Variants in FCSK observed in about 807,000 individuals in gnomAD.
FCSK encodes the protein L-fucose kinase.
FCSK carries 123 observed loss-of-function variants against 122.5 expected under a neutral mutation model. The observed-to-expected ratio is 1.00, with a 90% CI of 0.87 to 1.17. The LOEUF is 1.17. FCSK is among the 50% of genes most tolerant of loss of function. The pLI is 0.00. For missense variants in FCSK, 1,366 were observed against 1,450.4 expected (o/e 0.94, Z 0.95); for synonymous variants, 620 against 625.5 (o/e 0.99, Z 0.13).
At position 70,475,411 on chromosome 16, in the gene FCSK, G is replaced by A; in HGVS notation, c.2439G>A (p.Gln813=). Residue 813 remains glutamine, a synonymous_variant, in exon 19 of 24, where the codon CAG becomes CAA. Transcript: ENST00000288078. ...TCGTGCATGTCCACTCGGAACTCCA[G>A]CTGAGTGAGCAGCTGCTCCGCACCT... ...AGIVHVHSEL[Q]LSEQLLRTFG... The A allele has an allele frequency of 6.2e-7, 1 of 1,609,890 alleles. No individual in the cohort carries two copies. Among genetic ancestry groups the A allele is most frequent in the Non-Finnish European group, 8.5e-7 (1 of 1,179,694 alleles).
Position 70,471,040 on chromosome 16 carries a change from C to G in FCSK, c.1138C>G (p.Pro380Ala), listed in dbSNP as rs1386847399. 1 of 1,603,074 alleles carries G rather than the reference C, an allele frequency of 6.2e-7. No individual in the cohort carries two copies. The change falls in exon 12 of 24, where the codon CCT (proline) becomes GCT (alanine). Residue 380 changes from proline to alanine, a missense_variant. Coordinates refer to ENST00000288078, the MANE Select transcript of FCSK (RefSeq NM_145059.3). ...GCTGGAGGGCCCTGTCCAGCTGGGT[C>G]CTGGGAGCGTCCTGCAGCACTGCCA... ...CLLEGPVQLG[P>A]GSVLQHCHLQ...
chr16:70,467,394 C>G lies in FCSK; in HGVS notation c.505C>G (p.Arg169Gly). 1 of 1,609,762 alleles carries G rather than the reference C, an allele frequency of 6.2e-7. No homozygotes were observed. Among genetic ancestry groups the G allele is most frequent in the East Asian group, 2.2e-5 (1 of 44,654 alleles). ...CACAGGTATCAGCTGGGACAGCTTC[C>G]GGGGAGCCAGAGTGATCGCCCTCCC... is the stretch of plus-strand genomic sequence containing the variant. Reference protein sequence around the residue: ...ANPGISWDSFRGARVIALPGS... With the variant: ...ANPGISWDSFGGARVIALPGS... Residue 169 changes from arginine to glycine, a missense_variant, in exon 7 of 24, where the codon CGG becomes GGG. By Grantham distance (125) the Arg-to-Gly change is moderately radical. Transcript: ENST00000288078.
intron 1 of FCSK, among the ~76,000 whole-genome samples, chr16:70,460,817 T>G (rs899185378): frequency 1.3e-5 from 2 of 152,228 alleles, no homozygotes; most frequent in Admixed American, 6.5e-5. Flanking sequence ...GTTCAAAGCG[T>G]GGCCTCCATG....
rs760844443 is a variant in FCSK, at chr16:70,463,154, A to G, written c.-22-15A>G. 2 of 1,484,912 alleles carry G rather than the reference A, an allele frequency of 1.3e-6. No individual in the cohort carries two copies. The highest frequency in any genetic ancestry group is 1.7e-5 in the Admixed American group (1 of 58,502). 92.0% of individuals were successfully genotyped at this position (1,484,912 alleles called of 1,614,324 possible). A position where few individuals can be genotyped will look rare whatever the true frequency, so the allele number is the denominator to read the frequency against. On this transcript the variant is annotated splice_polypyrimidine_tract_variant and intron_variant, in intron 1 of 23. Transcript: ENST00000288078. The stretch of plus-strand genomic sequence containing the variant: ...GTTTAAAAAATAGTCACATCTACCC[A>G]TATTGCTGTCTCAGGAAGCCCCTCC...
chr16:70,470,281 A>C, intron 10 of FCSK, 33 bp from the exon 11 acceptor site: 1 of 1,473,192 alleles, frequency 6.8e-7, no homozygotes. Context: ...CGCAGCAGGC[A>C]TGGGGTTGGG....
chr16:70,458,880 G>A (rs531789102), intron 1 of FCSK, among the ~76,000 whole-genome samples: 3 of 152,188 alleles, frequency 2.0e-5, no homozygotes, highest in South Asian at 4.1e-4. Context: ...TACAAAGTAG[G>A]TTTATTGTAG....
intron 16 of FCSK, 56 bp downstream of exon 16, chr16:70,474,395 G>T: frequency 6.3e-7 from 1 of 1,577,570 alleles, no homozygotes; most frequent in East Asian, 2.3e-5. Flanking sequence ...TCTGGGAAGT[G>T]GACCCTGATG....
chr16:70,462,352 G>A (rs2048292526), intron 1 of FCSK: 1 of 152,060 alleles, frequency 6.6e-6, no homozygotes, highest in Admixed American at 6.6e-5. Flanking sequence ...TAGAGATAGG[G>A]TCTTATTCTG....
chr16:70,479,296 G>A lies in FCSK; in HGVS notation c.3046G>A (p.Val1016Met), dbSNP rs375450811. The change falls in exon 23 of 24, where the codon GTG becomes ATG. Residue 1016 changes from valine (V) to methionine (M), a missense_variant. Coordinates refer to ENST00000288078, the MANE Select transcript of FCSK (RefSeq NM_145059.3). ...TATGATGGATGTCCTGGCCCCCCAC[G>A]TGCATGGCCAGAGCCTGGCTGGGGC... ...RRMMDVLAPH[V>M]HGQSLAGAGG... 9.3e-6 allele frequency: 15 copies of A among 1,613,932 alleles called. No homozygotes were observed. Among genetic ancestry groups the A allele is most frequent in the African/African-American group, 4.0e-5 (3 of 74,936 alleles).
chr16:70,479,396 A>G lies in FCSK; in HGVS notation c.3146A>G (p.Lys1049Arg). Residue 1049 changes from lysine to arginine, a missense_variant, in exon 23 of 24, where the codon AAG becomes AGG. Transcript: ENST00000288078. Reference sequence around the variant, plus strand: ...GAGGCCTTGGAGGCGGTGCTGGCCAAGACCGAGGTACTGATGGGGCTGGGG... The same window carrying G: ...GAGGCCTTGGAGGCGGTGCTGGCCAGGACCGAGGTACTGATGGGGCTGGGG... ...QKEALEAVLA[K>R]TEGLGNYSIH... 1.2e-6 allele frequency: 2 copies of G among 1,612,854 alleles called. No individual in the cohort carries two copies. Among genetic ancestry groups the G allele is most frequent in the African/African-American group, 1.3e-5 (1 of 75,046 alleles).
chr16:70,478,925 C>T, intron 22 of FCSK: 1 of 693,808 alleles, frequency 1.4e-6, no homozygotes, highest in South Asian at 1.5e-5. Context: ...GAAGTCTGAG[C>T]TGGGCAGGGT....
At position 70,479,647 on chromosome 16, in the gene FCSK, G is replaced by T; in HGVS notation, c.3222G>T (p.Gly1074=). The T allele has an allele frequency of 1.9e-6, 3 of 1,614,088 alleles. No homozygotes were observed. The Admixed American group carries it at 5.0e-5, about 27-fold the overall frequency. ...DTQGLSLKLL[G]TEASTCCPFP ...AGGGCCTGAGCCTGAAGCTGCTGGG[G>T]ACCGAGGCCTCAACCTGTTGCCCTT... The change falls in exon 24 of 24, where the codon GGG becomes GGT. Residue 1074 remains glycine, a synonymous_variant. Transcript: ENST00000288078.
At position 70,469,233 on chromosome 16, in the gene FCSK, T is replaced by C. The variant is rs548280632; in HGVS notation, c.865T>C (p.Leu289=). ...CTTCCTGGTGGGGAGGCCCCCAGAGTTGGGGCAAGGCGATGCAGATGTAGC... is the reference window on the plus strand; with the variant it reads ...CTTCCTGGTGGGGAGGCCCCCAGAGCTGGGGCAAGGCGATGCAGATGTAGC... ...EDFLVGRPPE[L]GQGDADVAGY... is the part of the protein sequence containing the mutation. The change falls in exon 10 of 24, where the codon TTG becomes CTG. Residue 289 remains leucine, a synonymous_variant. Transcript: ENST00000288078. The C allele has an allele frequency of 3.5e-5, 57 of 1,614,006 alleles. 1 individual carries two copies. In the South Asian group the frequency reaches 4.9e-4, roughly 14 times the overall value.
At chr16:70,475,563 C>T in intron 19 of FCSK, 70 bp downstream of exon 19, 1 of 1,586,934 alleles carries the variant, frequency 6.3e-7, no homozygotes, top group Non-Finnish European at 8.6e-7. Context: ...GATCCCCCTT[C>T]CTGGCCTCTG....
At chr16:70,472,470 C>G (rs1406234154) in intron 13 of FCSK, 71 bp from the exon 14 acceptor site, 1 of 1,248,176 alleles carries the variant, frequency 8.0e-7, no homozygotes, top group African/African-American at 1.5e-5. Context: ...CAGCTCCTGG[C>G]CCCCTGGCCG....
chr16:70,468,539 A>G (rs1259911130), intron 8 of FCSK, among the ~76,000 whole-genome samples: 1 of 152,206 alleles, frequency 6.6e-6, no homozygotes, highest in Non-Finnish European at 1.5e-5. Flanking sequence ...GCCTAGAGCC[A>G]GACTCCGGGA....
Position 70,455,410 on chromosome 16 carries a change from A to G in FCSK, c.-23+780A>G, listed in dbSNP as rs186025179. On this transcript the variant is annotated intron_variant, in intron 1 of 23. Transcript: ENST00000288078. ...TGAGGCGAGGGAATCGCTTGAACTC[A>G]GGAGATGGAGGTTGCAGTGAGCCAA... Among the ~76,000 whole-genome samples, 6 of 151,670 alleles carry G rather than the reference A, an allele frequency of 4.0e-5. No individual in the cohort carries two copies. In the East Asian group the frequency reaches 9.9e-4, roughly 25 times the overall value.
chr16:70,467,530 G>T, intron 7 of FCSK, 59 bp downstream of exon 7: 1 of 1,312,148 alleles, frequency 7.6e-7, no homozygotes, highest in Non-Finnish European at 1.1e-6. Context: ...TCAGTGGGCA[G>T]CCTCCTCCCT....
intron 20 of FCSK, among the ~76,000 whole-genome samples, chr16:70,477,106 T>G (rs2048841452): frequency 6.6e-6 from 1 of 152,220 alleles, no homozygotes; most frequent in African/African-American, 2.4e-5. Flanking sequence ...CTTTTGCATT[T>G]CATACTTTAA....
Sources: gnomAD v4.1 joint callset for allele counts (sites outside exome capture counted in the v4.1 genomes callset) on GRCh38, gnomAD v4.1.1 for gene constraint, MANE v1.5 for transcripts, NCBI Gene and HGNC (gene_info 2026-07-23, HGNC 2026-07-21) for gene names.